POLR3E: variants seen among roughly 807,000 people sequenced by gnomAD.
POLR3E encodes RNA polymerase III subunit E.
POLR3E carries 41 observed loss-of-function variants against 96.6 expected under a neutral mutation model. The ratio of observed to expected loss-of-function variants is 0.42; its 90% CI spans 0.33 to 0.55. The LOEUF (loss-of-function observed/expected upper bound fraction) is 0.55. POLR3E is among the 20% of genes least tolerant of loss of function. The pLI is 0.06. For synonymous variants in POLR3E, 396 were observed against 383.6 expected (o/e 1.03, Z -0.38); for missense variants, 849 against 952.1 (o/e 0.89, Z 1.43).
At chr16:22,328,082 C>T (rs2048644782) in intron 18 of POLR3E, 2 of 173,966 alleles carry the variant, frequency 1.1e-5, no homozygotes, top group South Asian at 2.9e-4. Context: ...GAAAAGAACC[C>T]CCAGGGTACC....
In POLR3E at chr16:22,309,435, A is replaced by C. The variant is rs1471297254; in HGVS notation, c.289A>C (p.Met97Leu). 1 of 1,613,208 alleles carries C rather than the reference A, an allele frequency of 6.2e-7. No individual in the cohort carries two copies. Among genetic ancestry groups the C allele is most frequent in the Non-Finnish European group, 8.5e-7 (1 of 1,179,408 alleles). ...CTTCTCCCTGTGCTCCAGGAAGCTG[A>C]TGGACAAGCAGACCTTCTGCTCTTC... ...DETSTYSSKLMDKQTFCSSQT... is the reference protein window; with the variant it reads ...DETSTYSSKLLDKQTFCSSQT... The change falls in exon 6 of 21, where the codon ATG becomes CTG. Residue 97 changes from methionine to leucine, a missense_variant. By Grantham distance (15) the Met-to-Leu change is conservative. Coordinates refer to ENST00000299853, the MANE Select transcript of POLR3E (RefSeq NM_018119.4).
intron 13 of POLR3E, among the ~76,000 whole-genome samples, chr16:22,320,007 G>T (rs2048437470): frequency 2.0e-5 from 3 of 152,136 alleles, no homozygotes; most frequent in African/African-American, 7.2e-5. Flanking sequence ...TAACTTGGAA[G>T]TTACACTGTT....
intron 8 of POLR3E, among the ~76,000 whole-genome samples, chr16:22,314,495 T>C (rs1336271399): frequency 6.6e-6 from 1 of 152,234 alleles, no homozygotes; most frequent in Non-Finnish European, 1.5e-5. Flanking sequence ...GTTTTCGTTT[T>C]AATAGTTATT....
In POLR3E at chr16:22,309,305, C is replaced by T. The variant is rs531506471; in HGVS notation, c.282-123C>T. 8.2e-5 allele frequency: 67 copies of T among 816,916 alleles called. No homozygotes were observed. In the African/African-American group the frequency reaches 1.1e-3, roughly 13 times the overall value. 50.6% of individuals were successfully genotyped at this position (816,916 alleles called of 1,614,324 possible). On this transcript the variant is annotated intron_variant, in intron 5 of 20. Transcript: ENST00000299853. ...CCCTCCTGAGACCCGCGTAGGCTGC[C>T]CTGCGGCCTTGGTCCCTGGCTGTGG...
At chr16:22,329,398 G>A (rs2048688412) in intron 19 of POLR3E, among the ~76,000 whole-genome samples, 2 of 152,174 alleles carry the variant, frequency 1.3e-5, no homozygotes, top group South Asian at 4.1e-4. Flanking sequence ...GCGTGTGTGT[G>A]GTGTAGTCAT....
chr16:22,315,337 C>A, intron 9 of POLR3E, 129 bp downstream of exon 9: 3 of 1,010,932 alleles, frequency 3.0e-6, no homozygotes, highest in East Asian at 2.7e-5. Flanking sequence ...AGGATCGAGT[C>A]CTGTGGGCAG....
intron 19 of POLR3E, among the ~76,000 whole-genome samples, chr16:22,330,651 C>A (rs2048717865): frequency 6.6e-6 from 1 of 152,192 alleles, no homozygotes; most frequent in Non-Finnish European, 1.5e-5. Context: ...ATTCTGGAAT[C>A]TCTGCTTCTT....
At position 22,324,589 on chromosome 16, in the gene POLR3E, T is replaced by C; in HGVS notation, c.1215T>C (p.Asp405=). The C allele has an allele frequency of 1.2e-6, 2 of 1,613,506 alleles. No homozygotes were observed. Among genetic ancestry groups the C allele is most frequent in the Non-Finnish European group, 1.7e-6 (2 of 1,179,812 alleles). ...NKGWEFILPY[D]GEFIKKHPDV... ...GCTGGGAGTTCATTCTGCCTTATGA[T>C]GGGGAGTTCATCAAGAAGCACCCGG... The change falls in exon 16 of 21, where the codon GAT becomes GAC. Residue 405 remains aspartate, a synonymous_variant. Coordinates refer to ENST00000299853, the MANE Select transcript of POLR3E (RefSeq NM_018119.4).
chr16:22,326,663 A>C, intron 18 of POLR3E: 1 of 321,216 alleles, frequency 3.1e-6, no homozygotes, highest in South Asian at 3.0e-5. Flanking sequence ...CTTCTTTGCA[A>C]TCTGCAGATG....
chr16:22,299,360 A>G (rs2047972793), intron 1 of POLR3E, among the ~76,000 whole-genome samples: 1 of 149,344 alleles, frequency 6.7e-6, no homozygotes, highest in Non-Finnish European at 1.5e-5. Context: ...GTTTTATTTT[A>G]TGTGACAGTG....
rs58949663 is a variant in POLR3E at position 22,303,639 on chromosome 16, C to CTTTTTTTTT, written c.36+645_36+653dup. On this transcript the variant is annotated intron_variant, in intron 2 of 20. Transcript: ENST00000299853. ...TACAGGCAGTGGGAGGCAGATTTCCCTTTTTTTTTTTTTTTTTTGGAGACA... is the reference window on the plus strand; with the variant it reads ...TACAGGCAGTGGGAGGCAGATTTCCCTTTTTTTTTTTTTTTTTTTTTTTTTTTGGAGACA... Among the ~76,000 whole-genome samples, 40 of 114,224 alleles carry CTTTTTTTTT rather than the reference C, an allele frequency of 3.5e-4. 4 individuals carry two copies. Among genetic ancestry groups the CTTTTTTTTT allele is most frequent in the African/African-American group, 1.6e-3 (34 of 20,802 alleles). 74.9% of individuals were successfully genotyped at this position (114,224 alleles called of 152,430 possible). A position where few individuals can be genotyped will look rare whatever the true frequency, so the allele number is the denominator to read the frequency against.
At chr16:22,298,441 C>T (rs779826933) in intron 1 of POLR3E, among the ~76,000 whole-genome samples, 6 of 152,164 alleles carry the variant, frequency 3.9e-5, no homozygotes, top group Non-Finnish European at 5.9e-5. Context: ...TGTCCTTACT[C>T]CTTCCCCGCA....
rs1449214464 is a variant in POLR3E at position 22,334,493 on chromosome 16, C to T, written c.*793C>T. 1 of 152,168 alleles carries T rather than the reference C, an allele frequency of 6.6e-6. No individual in the cohort carries two copies. The highest frequency in any genetic ancestry group is 1.5e-5 in the Non-Finnish European group (1 of 68,040). 9.4% of individuals were successfully genotyped at this position (152,168 alleles called of 1,614,324 possible). On this transcript the variant is annotated 3_prime_UTR_variant, in exon 21 of 21. Transcript: ENST00000299853. ...TACAGGAAGGCGATCTTGTTGGGCT[C>T]AGCGTTACGTGTATCTAGAGGGAAC...
chr16:22,302,968 TATGGCCA>T lies in POLR3E; in HGVS notation c.4_10del (p.Ala2_?4). The T allele has an allele frequency of 2.5e-6, 4 of 1,613,860 alleles. No individual in the cohort carries two copies. The highest frequency in any genetic ancestry group is 3.4e-6 in the Non-Finnish European group (4 of 1,179,766). Reference sequence around the variant, plus strand: ...GACTGCGCGGCTGGCTCTCCTCTAGTATGGCCAATGAAGAGGATGACCCAGTTGTACA... The same window carrying T: ...GACTGCGCGGCTGGCTCTCCTCTAGTATGAAGAGGATGACCCAGTTGTACA... On this transcript the variant is annotated frameshift_variant and start_lost, in exon 2 of 21. Coordinates refer to ENST00000299853, the MANE Select transcript of POLR3E (RefSeq NM_018119.4). LOFTEE classifies it high-confidence loss of function.
chr16:22,331,951 T>A, intron 19 of POLR3E, 109 bp from the exon 20 acceptor site: 1 of 1,123,474 alleles, frequency 8.9e-7, no homozygotes, highest in Non-Finnish European at 1.3e-6. Flanking sequence ...TGAGGGTTTT[T>A]ATCAGAGACT....
intron 12 of POLR3E, 25 bp downstream of exon 12, chr16:22,317,231 C>G: frequency 6.4e-7 from 1 of 1,569,772 alleles, no homozygotes; most frequent in Non-Finnish European, 8.7e-7. Flanking sequence ...CCTGCCCACC[C>G]GGGGGCCCCA....
intron 5 of POLR3E, 176 bp downstream of exon 5, chr16:22,309,216 C>A: frequency 1.5e-6 from 1 of 659,952 alleles, no homozygotes; most frequent in Non-Finnish European, 2.7e-6. Context: ...GGTCCCAGAG[C>A]TCCTACCCAC....
At position 22,334,804 on chromosome 16, in the gene POLR3E, AAAT is replaced by A. The variant is rs2048816457; in HGVS notation, c.*1107_*1109del. 6.6e-6 allele frequency: 1 copy of A among 152,218 alleles called. No individual in the cohort carries two copies. The allele number at this position is 152,218 out of a possible 1,614,324, so 9.4% of individuals were successfully genotyped here. On this transcript the variant is annotated 3_prime_UTR_variant, in exon 21 of 21. Coordinates refer to ENST00000299853, the MANE Select transcript of POLR3E (RefSeq NM_018119.4). The stretch of plus-strand genomic sequence containing the variant: ...GCACAGCCCTAGAAACTGATGGAAA[AAAT>A]AAGAGTAAGCTAGGTTGGATGACAT...
chr16:22,303,801 C>T (rs919266223), intron 2 of POLR3E, among the ~76,000 whole-genome samples: 12 of 147,684 alleles, frequency 8.1e-5, no homozygotes, highest in Non-Finnish European at 1.5e-4. Context: ...TCACCACGCC[C>T]GACTAATTTT....
Sources: allele counts gnomAD v4.1 joint callset (sites outside exome capture counted in the v4.1 genomes callset), GRCh38; gene constraint gnomAD v4.1.1; transcripts MANE v1.5; gene names NCBI Gene and HGNC (gene_info 2026-07-23, HGNC 2026-07-21).